RAD23B: variants seen among roughly 807,000 people sequenced by gnomAD.
RAD23B encodes lysine-specific demethylase RAD23B.
Under a neutral mutation model 49.1 loss-of-function variants are expected in RAD23B, and 5 were observed. The observed-to-expected ratio is 0.10, with a 90% confidence interval of 0.05 to 0.21. The LOEUF is 0.21. Among genes scored for constraint, RAD23B ranks in the 10% least tolerant of loss-of-function variants. The probability of loss-of-function intolerance (pLI) is 1.00; values close to 1 mark genes in which losing one functional copy is unlikely to be tolerated. For missense variants in RAD23B, 356 were observed against 486.7 expected (o/e 0.73, Z 2.53); for synonymous variants, 184 against 165.4 (o/e 1.11, Z -0.86).
intron 6 of RAD23B, among the ~76,000 whole-genome samples, chr9:107,320,489 AT>A (rs1235847325): frequency 7.2e-5 from 11 of 152,274 alleles, no homozygotes; most frequent in Non-Finnish European, 1.2e-4. Context: ...TCAAATGCAA[AT>A]AAATAGATGA....
At chr9:107,323,805 G>T in intron 7 of RAD23B, 85 bp from the exon 8 acceptor site, 7 of 1,218,012 alleles carry the variant, frequency 5.7e-6, no homozygotes, top group South Asian at 5.0e-5. Flanking sequence ...TTCTTTGATA[G>T]TGTTTGCTGT....
At chr9:107,306,217 T>G (rs1053740955) in intron 3 of RAD23B, among the ~76,000 whole-genome samples, 162 bp from the exon 4 acceptor site, 1 of 151,716 alleles carries the variant, frequency 6.6e-6, no homozygotes, top group East Asian at 1.9e-4. Context: ...TGAGTCAGAT[T>G]GTTAATATTG....
intron 7 of RAD23B, among the ~76,000 whole-genome samples, chr9:107,322,862 A>G (rs1016379229): frequency 3.9e-5 from 6 of 152,168 alleles, no homozygotes; most frequent in African/African-American, 1.4e-4. Context: ...GATTCAGCAT[A>G]TGGGAGTGGA....
At chr9:107,312,420 C>T (rs1461268813) in intron 5 of RAD23B, among the ~76,000 whole-genome samples, 1 of 152,204 alleles carries the variant, frequency 6.6e-6, no homozygotes, top group Non-Finnish European at 1.5e-5. Context: ...GTACAGGCTT[C>T]TGGATTCCTG....
At chr9:107,313,343 A>C (rs1826927463) in intron 5 of RAD23B, among the ~76,000 whole-genome samples, 1 of 152,032 alleles carries the variant, frequency 6.6e-6, no homozygotes, top group South Asian at 2.1e-4. Context: ...CTCCCGCCTC[A>C]GCCTCCTGAG....
intron 1 of RAD23B, among the ~76,000 whole-genome samples, chr9:107,298,324 T>C (rs1473370417): frequency 2.0e-5 from 3 of 152,114 alleles, no homozygotes; most frequent in Non-Finnish European, 4.4e-5. Flanking sequence ...TTTATTTATT[T>C]ATTTTTTAAG....
rs59250541 is a variant in RAD23B at position 107,284,940 on chromosome 9, A to C, written c.66+1245A>C. 2.8e-4 allele frequency: 367 copies of C among 1,301,768 alleles called. No homozygotes were observed. The African/African-American group carries it at 4.9e-3, about 17-fold the overall frequency. 80.6% of individuals were successfully genotyped at this position (1,301,768 alleles called of 1,614,324 possible). On this transcript the variant is annotated intron_variant, in intron 1 of 9. Coordinates refer to ENST00000358015, the MANE Select transcript of RAD23B (RefSeq NM_002874.5). ...TATGTATTTACTTGGTGGTCAGTAA[A>C]TGGAATCGATTATTTAAACAATGGA...
intron 4 of RAD23B, among the ~76,000 whole-genome samples, chr9:107,310,896 CCA>C (rs1826876403): frequency 6.6e-6 from 1 of 152,052 alleles, no homozygotes; most frequent in Non-Finnish European, 1.5e-5. Context: ...TTATGTACTA[CCA>C]AGGGCTTTCT....
At chr9:107,325,183 A>C in intron 9 of RAD23B, 179 bp downstream of exon 9, 1 of 453,854 alleles carries the variant, frequency 2.2e-6, no homozygotes, top group Non-Finnish European at 4.0e-6. Flanking sequence ...GCGTGGTGGC[A>C]CATACCTGTA....
rs1827289331 is a variant in RAD23B at position 107,330,613 on chromosome 9, TG to T, written c.*958del. Reference sequence around the variant, plus strand: ...GCTGCCTTTTAAAAAACCCACAAAATGCTGATTCAGTTCAAAATTAATGCAA... The same window carrying T: ...GCTGCCTTTTAAAAAACCCACAAAATCTGATTCAGTTCAAAATTAATGCAA... On this transcript the variant is annotated 3_prime_UTR_variant, in exon 10 of 10. Coordinates refer to ENST00000358015, the MANE Select transcript of RAD23B (RefSeq NM_002874.5). The surrounding 1 kb of genome is among the most constrained non-coding windows in gnomAD (Gnocchi z 4.4). The T allele has an allele frequency of 6.6e-6, 1 of 152,654 alleles. No individual in the cohort carries two copies. Among genetic ancestry groups the T allele is most frequent in the African/African-American group, 2.4e-5 (1 of 41,460 alleles). 9.5% of individuals were successfully genotyped at this position (152,654 alleles called of 1,614,324 possible). A position where few individuals can be genotyped will look rare whatever the true frequency, so the allele number is the denominator to read the frequency against.
chr9:107,284,136 A>G (rs1833222545), intron 1 of RAD23B: 1 of 990,960 alleles, frequency 1.0e-6, no homozygotes, highest in Non-Finnish European at 1.2e-6. Flanking sequence ...GTAACCCGAG[A>G]AGATGAGCCT....
At chr9:107,284,264 G>T (rs1587843070) in intron 1 of RAD23B, 2 of 977,284 alleles carry the variant, frequency 2.0e-6, no homozygotes, top group South Asian at 9.5e-5. Context: ...GAATCGTTCT[G>T]CTGCCTTCCT....
Position 107,302,060 on chromosome 9 carries a change from T to C in RAD23B, c.174T>C (p.Ala58=), listed in dbSNP as rs375282231. The change falls in exon 3 of 10, where the codon GCT becomes GCC. Residue 58 remains alanine, a synonymous_variant. Transcript: ENST00000358015. ...GCAAAATCCTCAATGATGATACTGC[T>C]CTCAAAGAATATAAAATTGATGAGA... is the stretch of plus-strand genomic sequence containing the variant. ...YAGKILNDDT[A]LKEYKIDEKN... is the part of the protein sequence containing the mutation. 1.5e-5 allele frequency: 24 copies of C among 1,613,016 alleles called. No homozygotes were observed. Among genetic ancestry groups the C allele is most frequent in the Non-Finnish European group, 2.0e-5 (24 of 1,179,716 alleles).
chr9:107,311,507 G>A (rs781581014), intron 4 of RAD23B, among the ~76,000 whole-genome samples, 175 bp from the exon 5 acceptor site: 1 of 152,152 alleles, frequency 6.6e-6, no homozygotes, highest in Non-Finnish European at 1.5e-5. Context: ...AACCACAAAT[G>A]TTGTAGATAA....
At chr9:107,328,796 A>G (rs1827257220) in intron 9 of RAD23B, among the ~76,000 whole-genome samples, 1 of 152,210 alleles carries the variant, frequency 6.6e-6, no homozygotes, top group African/African-American at 2.4e-5. Flanking sequence ...GATTGAGACA[A>G]TTGAGGAGGG....
At chr9:107,288,670 A>G (rs1166817715) in intron 1 of RAD23B, among the ~76,000 whole-genome samples, 2 of 151,626 alleles carry the variant, frequency 1.3e-5, no homozygotes, top group African/African-American at 4.9e-5. Flanking sequence ...GTGGTCTTGA[A>G]CTCCTGAGCT....
At chr9:107,316,543 A>G (rs947804223) in intron 5 of RAD23B, among the ~76,000 whole-genome samples, 2 of 152,210 alleles carry the variant, frequency 1.3e-5, no homozygotes, top group Non-Finnish European at 2.9e-5. Flanking sequence ...TGCTCGAATT[A>G]TATCAGTAGA....
In RAD23B at chr9:107,331,784, T is replaced by TTATCAGAAGAC; in HGVS notation, c.*2129_*2139dup. Reference sequence around the variant, plus strand: ...ACAAATCTGGATATACTAGGATTAATTATCAGAAGACAGCTCAGGCCAAGT... The same window carrying TTATCAGAAGAC: ...ACAAATCTGGATATACTAGGATTAATTATCAGAAGACTATCAGAAGACAGCTCAGGCCAAGT... On this transcript the variant is annotated 3_prime_UTR_variant, in exon 10 of 10. Coordinates refer to ENST00000358015, the MANE Select transcript of RAD23B (RefSeq NM_002874.5). The TTATCAGAAGAC allele has an allele frequency of 5.2e-6, 4 of 769,160 alleles. No individual in the cohort carries two copies. In the Admixed American group the frequency reaches 7.1e-5, roughly 14 times the overall value. 47.6% of individuals were successfully genotyped at this position (769,160 alleles called of 1,614,324 possible).
chr9:107,301,986 AAG>A (rs756260037), intron 2 of RAD23B, 47 bp from the exon 3 acceptor site: 8 of 1,591,640 alleles, frequency 5.0e-6, no homozygotes, highest in Non-Finnish European at 1.7e-6. Context: ...ACTGAAGTGT[AAG>A]AGAAAGATTA....
Sources: gnomAD v4.1 joint callset for allele counts (sites outside exome capture counted in the v4.1 genomes callset) on GRCh38, gnomAD v4.1.1 for gene constraint, Gnocchi (gnomAD v3.1) non-coding constraint, MANE v1.5 for transcripts, NCBI Gene and HGNC (gene_info 2026-07-23, HGNC 2026-07-21) for gene names.